ZNF185: variants seen among roughly 807,000 people sequenced by gnomAD.
ZNF185 encodes the protein zinc finger protein 185 with LIM domain.
A neutral mutation model predicts 58.6 loss-of-function variants in ZNF185; 56 were observed. That is an observed-to-expected ratio of 0.95 (90% CI 0.77 to 1.19). The LOEUF is 1.19. ZNF185 is among the 50% of genes most tolerant of loss of function. ZNF185 has a pLI of 0.00. For synonymous variants in ZNF185, 230 were observed against 215.9 expected (o/e 1.07, Z -0.57); for missense variants, 627 against 573.5 (o/e 1.09, Z -0.95).
chrX:152,914,631 T>G, intron 1 of ZNF185, 79 bp from the exon 3 acceptor site: 1 of 1,170,910 alleles, frequency 8.5e-7, no homozygotes, highest in Admixed American at 2.5e-5. Flanking sequence ...GAGAGCAGCA[T>G]ACTGGGAGAA....
intron 13 of ZNF185, 78 bp from the exon 15 acceptor site, chrX:152,932,795 G>T: frequency 4.1e-6 from 3 of 726,811 alleles, no homozygotes; most frequent in Non-Finnish European, 6.3e-6. Flanking sequence ...CTGGTCTTGA[G>T]GCCCACTCTC....
intron 6 of ZNF185, among the ~76,000 whole-genome samples, chrX:152,918,409 GC>G (rs1556867523): frequency 8.8e-6 from 1 of 112,999 alleles, no homozygotes; most frequent in African/African-American, 3.2e-5. Flanking sequence ...TGTAGGAGGG[GC>G]CCCACGGATC....
chrX:152,933,675 A>G (rs184342245), intron 14 of ZNF185, among the ~76,000 whole-genome samples: 1 of 112,652 alleles, frequency 8.9e-6, no homozygotes, highest in African/African-American at 3.2e-5. Context: ...AAACTATGCT[A>G]GAGTCCTTCT....
At chrX:152,928,167 G>T (rs1941232212) in intron 11 of ZNF185, among the ~76,000 whole-genome samples, 1 of 112,013 alleles carries the variant, frequency 8.9e-6, no homozygotes. Context: ...TTGGTCTGTG[G>T]GTTTTCTCAG....
chrX:152,953,105 C>T (rs2048456945), intron 16 of ZNF185, among the ~76,000 whole-genome samples: 1 of 111,154 alleles, frequency 9.0e-6, no homozygotes, highest in African/African-American at 3.3e-5. Flanking sequence ...TGTGCAATCT[C>T]TAGACAAGGT....
the ZNF185 span, among the ~76,000 whole-genome samples, chrX:152,898,123 C>CCGCGCCCCGCGCCT: frequency 9.1e-6 from 1 of 109,311 alleles, no homozygotes. Context: ...GCCCCGCGCC[C>CCGCGCCCCGCGCCT]CGCGCCTGCC....
chrX:152,920,986 G>A (rs1939593489), intron 9 of ZNF185, among the ~76,000 whole-genome samples: 2 of 112,740 alleles, frequency 1.8e-5, no homozygotes, highest in African/African-American at 6.4e-5. Context: ...TAATGGGGCT[G>A]GGCCCCTGAC....
chrX:152,927,648 CG>C (rs1941120619), intron 11 of ZNF185, among the ~76,000 whole-genome samples: 1 of 111,970 alleles, frequency 8.9e-6, no homozygotes, highest in Non-Finnish European at 1.9e-5. Context: ...TGGCCTGGGT[CG>C]GGCTATGCCT....
At chrX:152,922,176 G>A (rs1603206798) in exon 10 of ZNF185, 1 of 1,194,708 alleles carries the variant, frequency 8.4e-7, no homozygotes, top group Non-Finnish European at 1.1e-6. Context: ...CTCAAAGGGT[G>A]GAGGTGGTGG....
At chrX:152,961,626 C>T (rs1603308401) in intron 17 of ZNF185, among the ~76,000 whole-genome samples, 1 of 112,266 alleles carries the variant, frequency 8.9e-6, no homozygotes, top group East Asian at 2.8e-4. Context: ...GCCATGTACA[C>T]AGTGAACACG....
chrX:152,945,179 C>T (rs2047658819), intron 15 of ZNF185, 88 bp from the exon 18 acceptor site: 2 of 1,018,638 alleles, frequency 2.0e-6, no homozygotes, highest in Non-Finnish European at 2.6e-6. Context: ...TCCAAGTCCA[C>T]AGGAGGTGAC....
intron 9 of ZNF185, among the ~76,000 whole-genome samples, chrX:152,921,221 C>T (rs1939650387): frequency 8.9e-6 from 1 of 111,988 alleles, no homozygotes; most frequent in African/African-American, 3.2e-5. Context: ...GGAGGGGTGT[C>T]ACCATTAGTT....
chrX:152,911,884 TCCCATTCATCCCATC>T (rs1438208717), upstream of ZNF185, among the ~76,000 whole-genome samples: 2 of 67,933 alleles, frequency 2.9e-5, no homozygotes, highest in African/African-American at 1.2e-4. Context: ...TCCCATCCCA[TCCCATTCATCCCATC>T]CCATCCCATC....
At chrX:152,931,285 G>A (rs1311486585) in intron 12 of ZNF185, among the ~76,000 whole-genome samples, 1 of 112,421 alleles carries the variant, frequency 8.9e-6, no homozygotes, top group Non-Finnish European at 1.9e-5. Context: ...TTTTGGTTCT[G>A]TTTTTTAAGA....
intron 12 of ZNF185, 92 bp downstream of exon 13, chrX:152,928,753 C>T (rs1556874892): frequency 1.3e-5 from 12 of 937,401 alleles, no homozygotes; most frequent in Admixed American, 8.4e-5. Flanking sequence ...GGCCTAGGGC[C>T]GGCTCTGCCA....
intron 16 of ZNF185, among the ~76,000 whole-genome samples, chrX:152,954,575 A>G (rs946935428): frequency 1.8e-5 from 2 of 111,964 alleles, no homozygotes; most frequent in Non-Finnish European, 3.8e-5. Flanking sequence ...CCACCTTCCA[A>G]AACTCAGCAT....
chrX:152,899,762 A>G, the ZNF185 span, among the ~76,000 whole-genome samples: 1 of 111,995 alleles, frequency 8.9e-6, no homozygotes, highest in African/African-American at 3.3e-5. Flanking sequence ...AAGATCAGGG[A>G]AGGCTTCCTG....
chrX:152,967,609 G>A (rs1169412011), intron 20 of ZNF185, among the ~76,000 whole-genome samples: 1 of 111,796 alleles, frequency 8.9e-6, no homozygotes, highest in Non-Finnish European at 1.9e-5. Flanking sequence ...ACAAAAGAGA[G>A]GAGTGGGCAG....
intron 14 of ZNF185, among the ~76,000 whole-genome samples, chrX:152,935,981 T>C (rs2046234985): frequency 8.9e-6 from 1 of 112,491 alleles, no homozygotes; most frequent in African/African-American, 3.2e-5. Flanking sequence ...GAAGGTGCAC[T>C]GCTTCTATAA....
Sources: allele counts gnomAD v4.1 joint callset (sites outside exome capture counted in the v4.1 genomes callset), GRCh38; gene constraint gnomAD v4.1.1; transcripts MANE v1.5; gene names NCBI Gene and HGNC (gene_info 2026-07-23, HGNC 2026-07-21).